PTGER3: variants seen among roughly 807,000 people sequenced by gnomAD.
PTGER3 encodes the protein prostaglandin E receptor 3.
Under a neutral mutation model 34.7 loss-of-function variants are expected in PTGER3, and 22 were observed. The ratio of observed to expected loss-of-function variants is 0.63; its 90% CI spans 0.45 to 0.91. PTGER3 has a LOEUF of 0.91. Ranked by LOEUF, PTGER3 falls within the 40% of genes least tolerant of loss-of-function variation. The pLI is 0.00. For missense variants in PTGER3, 468 were observed against 519.4 expected, an observed-to-expected ratio of 0.90 and a Z score of 0.96; for synonymous variants, 241 against 230.1, an observed-to-expected ratio of 1.05 and a Z score of -0.43.
intron 2 of PTGER3, chr1:71,006,665 A>G: frequency 3.1e-6 from 3 of 983,002 alleles, no homozygotes; most frequent in Non-Finnish European, 3.6e-6. Context: ...TAAATCAACA[A>G]TAATTTGTTA....
At chr1:70,903,718 G>A (rs141306489) in intron 4 of PTGER3, among the ~76,000 whole-genome samples, 1 of 152,250 alleles carries the variant, frequency 6.6e-6, no homozygotes, top group African/African-American at 2.4e-5. Flanking sequence ...TAAACCAGAG[G>A]AGGAGGGAAA....
chr1:70,969,752 C>G (rs147879543), downstream of PTGER3, among the ~76,000 whole-genome samples: 15 of 152,054 alleles, frequency 9.9e-5, no homozygotes, highest in Non-Finnish European at 2.1e-4. Context: ...GGGTTGATTC[C>G]GTTCATGACA....
At chr1:70,953,809 G>A (rs1447333112) in intron 2 of PTGER3, 27 of 1,222,944 alleles carry the variant, frequency 2.2e-5, no homozygotes, top group African/African-American at 4.7e-5. Flanking sequence ...AGTAATAACA[G>A]TATAAGCTTG....
intron 4 of PTGER3, chr1:70,869,440 C>T (rs1203817741): frequency 2.9e-6 from 1 of 343,406 alleles, no homozygotes; most frequent in Non-Finnish European, 5.8e-6. Flanking sequence ...GAAATACAGT[C>T]ATGACTTCTC....
intron 2 of PTGER3, among the ~76,000 whole-genome samples, chr1:70,963,012 C>T (rs1453884275): frequency 6.6e-6 from 1 of 152,204 alleles, no homozygotes; most frequent in African/African-American, 2.4e-5. Flanking sequence ...GTAAATACAG[C>T]TATTCCACAT....
At chr1:71,009,320 A>T in intron 2 of PTGER3, 1 of 983,068 alleles carries the variant, frequency 1.0e-6, no homozygotes, top group South Asian at 4.7e-5. Context: ...TAAAATAAAG[A>T]AATGTAAGTA....
intron 2 of PTGER3, among the ~76,000 whole-genome samples, chr1:70,979,615 A>G (rs1245237826): frequency 6.6e-6 from 1 of 151,984 alleles, no homozygotes; most frequent in African/African-American, 2.4e-5. Flanking sequence ...TCCCCTTCTT[A>G]CTTTCCAAAG....
At chr1:70,938,764 A>G (rs1572702086) in intron 4 of PTGER3, among the ~76,000 whole-genome samples, 1 of 152,302 alleles carries the variant, frequency 6.6e-6, no homozygotes, top group Non-Finnish European at 1.5e-5. Context: ...ATAGCTCAGG[A>G]AAGACCAGCC....
At chr1:70,854,875 A>G (rs1171920538) in intron 4 of PTGER3, among the ~76,000 whole-genome samples, 3 of 152,210 alleles carry the variant, frequency 2.0e-5, no homozygotes, top group African/African-American at 7.2e-5. Context: ...TGCACTGTCA[A>G]TGGGAATTGA....
intron 4 of PTGER3, among the ~76,000 whole-genome samples, chr1:70,946,346 T>G (rs937301635): frequency 6.6e-6 from 1 of 152,066 alleles, no homozygotes; most frequent in African/African-American, 2.4e-5. Context: ...ACAAATGAAG[T>G]GGGTCACAGA....
rs191884162 is a variant in PTGER3 at position 70,986,478 on chromosome 1, G to A, written c.1078-12090C>T. Reference sequence around the variant, plus strand: ...AATGGACTGGAGGAAGGAAGTGGCTGTGCCTCAAGGGTCTTCTGTGTCACT... The same window carrying A: ...AATGGACTGGAGGAAGGAAGTGGCTATGCCTCAAGGGTCTTCTGTGTCACT... On this transcript the variant is annotated intron_variant, in intron 2 of 3. Transcript: ENST00000306666. 3.3e-5 allele frequency among the ~76,000 whole-genome samples: 5 copies of A among 152,244 alleles called. No homozygotes were observed. In the East Asian group the frequency reaches 9.7e-4, roughly 29 times the overall value.
At chr1:70,989,665 GA>G (rs1358287925) in intron 2 of PTGER3, among the ~76,000 whole-genome samples, 1 of 152,124 alleles carries the variant, frequency 6.6e-6, no homozygotes, top group Non-Finnish European at 1.5e-5. Flanking sequence ...ACAAATTATA[GA>G]AGGCTGTGCA....
intron 2 of PTGER3, among the ~76,000 whole-genome samples, chr1:70,961,352 G>A (rs2100631664): frequency 6.6e-6 from 1 of 152,246 alleles, no homozygotes. Flanking sequence ...TTGCAATATG[G>A]CAGTAGCTAT....
rs1330680557 is a variant in PTGER3 at position 70,971,625 on chromosome 1, G to A, written c.*105C>T. 1.1e-5 allele frequency: 16 copies of A among 1,417,262 alleles called. No individual in the cohort carries two copies. Among genetic ancestry groups the A allele is most frequent in the Non-Finnish European group, 1.5e-5 (16 of 1,078,994 alleles). The allele number at this position is 1,417,262 out of a possible 1,614,324, so 87.8% of individuals were successfully genotyped here. A position where few individuals can be genotyped will look rare whatever the true frequency, so the allele number is the denominator to read the frequency against. On this transcript the variant is annotated 3_prime_UTR_variant, in exon 4 of 4. Transcript: ENST00000306666. ...ATTAAAATAAAAAGATAAAAATGAA[G>A]AAATAATCCAAATTAAAATATATAA...
chr1:71,007,314 A>G (rs935442720), intron 2 of PTGER3: 1 of 985,718 alleles, frequency 1.0e-6, no homozygotes, highest in African/African-American at 1.7e-5. Flanking sequence ...GGCTTACACT[A>G]TTTGTACAAA....
rs184312407 is a variant in PTGER3 at position 71,013,625 on chromosome 1, C to T, written c.898-1141G>A. On this transcript the variant is annotated intron_variant, in intron 1 of 3. Coordinates refer to ENST00000306666, the MANE Select transcript of PTGER3 (RefSeq NM_198719.2). Reference sequence around the variant, plus strand: ...GCTGAGGCAGGAGAATCCCTTGAACCCGGGAGGTGGAGGTTGCAGTGAGCC... The same window carrying T: ...GCTGAGGCAGGAGAATCCCTTGAACTCGGGAGGTGGAGGTTGCAGTGAGCC... Among the ~76,000 whole-genome samples the T allele has an allele frequency of 8.0e-4, 122 of 151,810 alleles. No individual in the cohort carries two copies. The East Asian group carries it at 0.021, about 26-fold the overall frequency.
At chr1:71,033,094 T>C (rs542832588) in intron 1 of PTGER3, among the ~76,000 whole-genome samples, 11 of 152,272 alleles carry the variant, frequency 7.2e-5, no homozygotes, top group Non-Finnish European at 1.3e-4. Context: ...AATTCTCTCT[T>C]CCTAGTTGTG....
intron 1 of PTGER3, among the ~76,000 whole-genome samples, chr1:71,026,476 G>A (rs1285371616): frequency 6.6e-6 from 1 of 152,002 alleles, no homozygotes; most frequent in African/African-American, 2.4e-5. Flanking sequence ...CTTAAATAAT[G>A]GTTAGTACTT....
intron 4 of PTGER3, among the ~76,000 whole-genome samples, chr1:70,946,645 G>T (rs1025163250): frequency 5.9e-5 from 9 of 152,110 alleles, no homozygotes; most frequent in Admixed American, 5.9e-4. Flanking sequence ...TATCTGGTAG[G>T]TCCTGGGTGT....
Sources: gnomAD v4.1 joint callset for allele counts (sites outside exome capture counted in the v4.1 genomes callset) on GRCh38, gnomAD v4.1.1 for gene constraint, MANE v1.5 for transcripts, NCBI Gene and HGNC (gene_info 2026-07-23, HGNC 2026-07-21) for gene names.